Variants in COL5A2 observed in about 807,000 individuals in gnomAD.
COL5A2 encodes the protein collagen alpha-2(V) chain.
A neutral mutation model predicts 208.2 loss-of-function variants in COL5A2; 23 were observed. The ratio of observed to expected loss-of-function variants is 0.11; its 90% CI spans 0.08 to 0.16. The LOEUF (loss-of-function observed/expected upper bound fraction) is 0.16. Among genes scored for constraint, COL5A2 ranks in the 10% least tolerant of loss-of-function variants. The pLI is 1.00. For synonymous variants in COL5A2, 625 were observed against 628.5 expected (o/e 0.99, Z 0.08); for missense variants, 1,590 against 1,956.4 (o/e 0.81, Z 3.53).
chr2:189,380,361 A>G, the COL5A2 span, among the ~76,000 whole-genome samples: 2 of 151,982 alleles, frequency 1.3e-5, no homozygotes, highest in Non-Finnish European at 2.9e-5. Context: ...AAGCTAAAAT[A>G]TTTTAAGCTA....
At chr2:189,372,087 T>C in the COL5A2 span, among the ~76,000 whole-genome samples, 155 of 152,278 alleles carry the variant, frequency 1.0e-3, no homozygotes, top group Middle Eastern at 0.017. Flanking sequence ...CACATCCCAG[T>C]TGCTCCAGCT....
the COL5A2 span, among the ~76,000 whole-genome samples, chr2:189,376,408 A>G: frequency 6.6e-6 from 1 of 151,462 alleles, no homozygotes; most frequent in Admixed American, 6.6e-5. Flanking sequence ...GATATGTTTG[A>G]AAAAAAAAGA....
the COL5A2 span, among the ~76,000 whole-genome samples, chr2:189,361,780 A>G: frequency 6.6e-6 from 1 of 152,020 alleles, no homozygotes; most frequent in Non-Finnish European, 1.5e-5. Context: ...TATCTATTAT[A>G]GGTATTTGCT....
chr2:189,277,120 T>G, the COL5A2 span, among the ~76,000 whole-genome samples: 2 of 152,218 alleles, frequency 1.3e-5, no homozygotes, highest in Non-Finnish European at 1.5e-5. Context: ...AAAAACTATA[T>G]GTAGAAATGA....
chr2:189,393,530 T>C, the COL5A2 span, among the ~76,000 whole-genome samples: 6 of 152,168 alleles, frequency 3.9e-5, no homozygotes, highest in Admixed American at 3.3e-4. Context: ...ATGTGAGTCA[T>C]TGTCAAAGTA....
At chr2:189,323,834 A>G in the COL5A2 span, among the ~76,000 whole-genome samples, 1 of 152,198 alleles carries the variant, frequency 6.6e-6, no homozygotes, top group African/African-American at 2.4e-5. Context: ...TAAAGTTCAT[A>G]TGGAACCAAA....
chr2:189,202,098 C>A (rs1559144582), intron 1 of COL5A2, among the ~76,000 whole-genome samples: 1 of 151,612 alleles, frequency 6.6e-6, no homozygotes, highest in East Asian at 1.9e-4. Context: ...TATTTTTAGG[C>A]TGTTAATTTT....
chr2:189,320,893 A>T, the COL5A2 span, among the ~76,000 whole-genome samples: 1 of 152,360 alleles, frequency 6.6e-6, no homozygotes, highest in South Asian at 2.1e-4. Flanking sequence ...AATGAAGGAA[A>T]AAATGTTAAG....
intron 9 of COL5A2, among the ~76,000 whole-genome samples, chr2:189,086,310 C>T (rs1056998706): frequency 7.2e-5 from 11 of 152,104 alleles, no homozygotes; most frequent in Non-Finnish European, 1.3e-4. Flanking sequence ...GTATTATATT[C>T]TTCCTAAAGA....
At chr2:189,117,368 T>C (rs1473843321) in intron 1 of COL5A2, among the ~76,000 whole-genome samples, 1 of 152,210 alleles carries the variant, frequency 6.6e-6, no homozygotes, top group Non-Finnish European at 1.5e-5. Context: ...GTAATTTTTA[T>C]AGCCAACCTT....
the COL5A2 span, among the ~76,000 whole-genome samples, chr2:189,415,733 C>G: frequency 6.6e-6 from 1 of 152,200 alleles, no homozygotes; most frequent in Non-Finnish European, 1.5e-5. Context: ...GACCTCGCCT[C>G]ACTGCAAGCT....
At chr2:189,303,282 A>G in the COL5A2 span, among the ~76,000 whole-genome samples, 2 of 152,188 alleles carry the variant, frequency 1.3e-5, no homozygotes, top group Non-Finnish European at 2.9e-5. Context: ...ATAAGGGAGA[A>G]CTACTGTATT....
chr2:189,387,194 C>A, the COL5A2 span, among the ~76,000 whole-genome samples: 1 of 152,068 alleles, frequency 6.6e-6, no homozygotes, highest in Non-Finnish European at 1.5e-5. Flanking sequence ...TGCCATTATC[C>A]TAAGTAAACT....
Position 189,068,840 on chromosome 2 carries a change from C to G in COL5A2, c.1203G>C (p.Gln401His). ...PTGARGPEGP[Q>H]GQRGETGPPG... ...GGGGCCCAGTTTCACCTCTCTGCCC[C>G]TGAGGACCTTCAGGGCCTCGCGCCC... Residue 401 changes from glutamine (Q) to histidine (H), a missense_variant, in exon 19 of 54, where the codon CAG (glutamine) becomes CAC (histidine). Transcript: ENST00000374866. 1 of 1,613,350 alleles carries G rather than the reference C, an allele frequency of 6.2e-7. No individual in the cohort carries two copies. The highest frequency in any genetic ancestry group is 8.5e-7 in the Non-Finnish European group (1 of 1,179,918).
the COL5A2 span, among the ~76,000 whole-genome samples, chr2:189,314,861 C>A: frequency 6.6e-6 from 1 of 152,234 alleles, no homozygotes; most frequent in African/African-American, 2.4e-5. Flanking sequence ...GACACATACA[C>A]CCTCCTACGA....
chr2:189,038,268 G>A (rs751753711), intron 51 of COL5A2, among the ~76,000 whole-genome samples: 100 of 152,140 alleles, frequency 6.6e-4, no homozygotes, highest in Admixed American at 1.4e-3. Context: ...ACTTATAAAT[G>A]AGAACATATG....
chr2:189,072,285 C>T (rs1486470053), intron 17 of COL5A2, among the ~76,000 whole-genome samples, 192 bp from the exon 18 acceptor site: 4 of 152,154 alleles, frequency 2.6e-5, no homozygotes, highest in Non-Finnish European at 4.4e-5. Context: ...TACTAAAAGA[C>T]ATATCCAAGG....
chr2:189,255,835 G>A, the COL5A2 span, among the ~76,000 whole-genome samples: 1 of 152,084 alleles, frequency 6.6e-6, no homozygotes, highest in African/African-American at 2.4e-5. Context: ...CTTGATGAAG[G>A]GATTAAGATA....
the COL5A2 span, among the ~76,000 whole-genome samples, chr2:189,267,286 T>C: frequency 6.6e-6 from 1 of 152,110 alleles, no homozygotes; most frequent in East Asian, 1.9e-4. Context: ...GCCTAGAAGG[T>C]ATATTTTTCC....
Sources: gnomAD v4.1 joint callset for allele counts (sites outside exome capture counted in the v4.1 genomes callset) on GRCh38, gnomAD v4.1.1 for gene constraint, MANE v1.5 for transcripts, NCBI Gene and HGNC (gene_info 2026-07-23, HGNC 2026-07-21) for gene names.